FREM2: variants seen among roughly 807,000 people sequenced by gnomAD.
FREM2 encodes FRAS1 related extracellular matrix 2, also known as FRAS1-related extracellular matrix protein 2.
In FREM2, 119 loss-of-function variants were observed where a neutral mutation model predicts 219.9. That is an observed-to-expected ratio of 0.54 (90% CI 0.47 to 0.63). The LOEUF (loss-of-function observed/expected upper bound fraction) is 0.63. FREM2 is among the 30% of genes least tolerant of loss of function. FREM2 has a pLI of 0.00. For synonymous variants in FREM2, 1,562 were observed against 1,522.8 expected (o/e 1.03, Z -0.60); for missense variants, 4,030 against 3,993.6 (o/e 1.01, Z -0.25).
chr13:38,712,677 A>C (rs78183945), intron 2 of FREM2, among the ~76,000 whole-genome samples: 105 of 115,846 alleles, frequency 9.1e-4, no homozygotes, highest in African/African-American at 3.0e-3. Context: ...CACACACACA[A>C]ACACACACAC....
At chr13:38,844,192 A>T (rs1027347049) in intron 6 of FREM2, among the ~76,000 whole-genome samples, 1 of 152,154 alleles carries the variant, frequency 6.6e-6, no homozygotes, top group Admixed American at 6.6e-5. Flanking sequence ...ATATTATGCA[A>T]TAGGCAACGT....
At chr13:38,703,106 A>G (rs1023704069) in intron 2 of FREM2, among the ~76,000 whole-genome samples, 2 of 152,174 alleles carry the variant, frequency 1.3e-5, no homozygotes, top group Admixed American at 6.6e-5. Context: ...AGACTACCGG[A>G]AGCCTTTCAT....
At chr13:38,808,045 T>C (rs181888682) in intron 6 of FREM2, among the ~76,000 whole-genome samples, 2 of 152,096 alleles carry the variant, frequency 1.3e-5, no homozygotes, top group African/African-American at 4.8e-5. Flanking sequence ...TTTAGTGAGA[T>C]CTTCTGGATA....
chr13:38,860,498 C>G (rs1418300076), intron 14 of FREM2, among the ~76,000 whole-genome samples: 3 of 152,182 alleles, frequency 2.0e-5, no homozygotes, highest in Non-Finnish European at 4.4e-5. Flanking sequence ...GCATAGAGGT[C>G]ATATGTCCCA....
intron 2 of FREM2, among the ~76,000 whole-genome samples, chr13:38,739,618 G>A (rs1328325467): frequency 6.6e-6 from 1 of 152,038 alleles, no homozygotes; most frequent in Non-Finnish European, 1.5e-5. Flanking sequence ...AAATTTTCCA[G>A]GAAGTCTCCT....
At position 38,885,193 on chromosome 13, in the gene FREM2, G is replaced by A. The variant is rs1305815879; in HGVS notation, c.*4406G>A. The A allele has an allele frequency of 5.3e-5, 8 of 152,124 alleles. No homozygotes were observed. The highest frequency in any genetic ancestry group is 5.2e-4 in the Admixed American group (8 of 15,276). The allele number at this position is 152,124 out of a possible 1,614,324, so 9.4% of individuals were successfully genotyped here. A position where few individuals can be genotyped will look rare whatever the true frequency, so the allele number is the denominator to read the frequency against. ...TTTTCTATAGTTTCCATCAGGAAGA[G>A]TACATCAGAAACTTCTCCATAAGGA... On this transcript the variant is annotated 3_prime_UTR_variant, in exon 24 of 24. Transcript: ENST00000280481.
At chr13:38,844,315 T>C (rs1236566336) in intron 6 of FREM2, among the ~76,000 whole-genome samples, 2 of 152,138 alleles carry the variant, frequency 1.3e-5, no homozygotes, top group East Asian at 3.9e-4. Context: ...CGTACACACT[T>C]GCACAGATAC....
chr13:38,759,246 C>G (rs1256154497), intron 2 of FREM2, among the ~76,000 whole-genome samples: 1 of 152,092 alleles, frequency 6.6e-6, no homozygotes. Context: ...CTAGAAATTA[C>G]CAACAATATT....
At chr13:38,782,654 A>C (rs1410796242) in intron 4 of FREM2, among the ~76,000 whole-genome samples, 1 of 152,236 alleles carries the variant, frequency 6.6e-6, no homozygotes, top group Non-Finnish European at 1.5e-5. Context: ...AGGTTCAACT[A>C]TGCGAGCCTG....
chr13:38,791,328 G>A (rs114896401), intron 6 of FREM2, among the ~76,000 whole-genome samples: 2,639 of 152,268 alleles, frequency 0.017, 79 homozygotes, highest in African/African-American at 0.06. Flanking sequence ...TGAATTTGCT[G>A]CTTAAAAGTC....
intron 6 of FREM2, among the ~76,000 whole-genome samples, chr13:38,832,321 T>G (rs1341164891): frequency 1.3e-5 from 2 of 152,160 alleles, no homozygotes; most frequent in Non-Finnish European, 2.9e-5. Flanking sequence ...TATTTAAAAC[T>G]AATTTTTTAA....
intron 6 of FREM2, among the ~76,000 whole-genome samples, chr13:38,791,593 T>C (rs1874563804): frequency 1.3e-5 from 2 of 151,798 alleles, no homozygotes; most frequent in South Asian, 4.2e-4. Flanking sequence ...CAGGAGAGAG[T>C]GAGAGCCAAG....
intron 6 of FREM2, among the ~76,000 whole-genome samples, chr13:38,790,918 G>A (rs1177545892): frequency 1.3e-5 from 2 of 152,062 alleles, no homozygotes; most frequent in African/African-American, 4.8e-5. Flanking sequence ...CCATTGTATT[G>A]TTTCCCACAA....
intron 7 of FREM2, among the ~76,000 whole-genome samples, chr13:38,847,214 C>T (rs760589403): frequency 3.0e-4 from 46 of 152,144 alleles, no homozygotes; most frequent in Non-Finnish European, 5.1e-4. Context: ...TACTAACTAG[C>T]ACATATCTGC....
At chr13:38,748,556 C>T (rs530499555) in intron 2 of FREM2, among the ~76,000 whole-genome samples, 32 of 152,292 alleles carry the variant, frequency 2.1e-4, no homozygotes, top group Non-Finnish European at 4.3e-4. Flanking sequence ...AACATGATGC[C>T]TTAAGACACA....
At chr13:38,861,362 T>C (rs1877752611) in intron 14 of FREM2, 69 bp from the exon 15 acceptor site, 10 of 1,523,146 alleles carry the variant, frequency 6.6e-6, no homozygotes, top group African/African-American at 1.4e-5. Context: ...GCTCCTATTT[T>C]CTAAAACATT....
intron 7 of FREM2, 132 bp downstream of exon 7, chr13:38,846,854 A>G (rs1877177196): frequency 3.0e-6 from 3 of 994,630 alleles, no homozygotes; most frequent in Non-Finnish European, 1.6e-6. Flanking sequence ...TGCTGAAATT[A>G]TTACTCTAGG....
chr13:38,786,683 T>A (rs1874342667), intron 6 of FREM2, among the ~76,000 whole-genome samples: 1 of 152,174 alleles, frequency 6.6e-6, no homozygotes. Flanking sequence ...TTGTTTTTTT[T>A]GGCAAAAAAA....
chr13:38,834,727 G>A (rs887210145), intron 6 of FREM2, among the ~76,000 whole-genome samples: 1 of 152,048 alleles, frequency 6.6e-6, no homozygotes, highest in African/African-American at 2.4e-5. Flanking sequence ...TCATATGTTT[G>A]TTGGCTGCAT....
Sources: gnomAD v4.1 joint callset for allele counts (sites outside exome capture counted in the v4.1 genomes callset) on GRCh38, gnomAD v4.1.1 for gene constraint, MANE v1.5 for transcripts, NCBI Gene and HGNC (gene_info 2026-07-23, HGNC 2026-07-21) for gene names.